Variants in SYT1 observed in about 807,000 individuals in gnomAD.
SYT1 encodes synaptotagmin-1.
SYT1 carries 8 observed loss-of-function variants against 44.8 expected under a neutral mutation model. The observed-to-expected ratio is 0.18, with a 90% CI of 0.10 to 0.32. SYT1 has a LOEUF of 0.32. Among genes scored for constraint, SYT1 ranks in the 10% least tolerant of loss-of-function variants. The probability of loss-of-function intolerance (pLI) is 1.00; values close to 1 mark genes in which losing one functional copy is unlikely to be tolerated. For missense variants in SYT1, 286 were observed against 509.3 expected, an observed-to-expected ratio of 0.56 and a Z score of 4.22; for synonymous variants, 154 against 188.8, an observed-to-expected ratio of 0.82 and a Z score of 1.51.
At chr12:79,094,305 T>C (rs1209926774) in intron 3 of SYT1, among the ~76,000 whole-genome samples, 1 of 151,806 alleles carries the variant, frequency 6.6e-6, no homozygotes, top group Admixed American at 6.6e-5. Flanking sequence ...ATTAAGCTAG[T>C]CCTATTTGTG....
intron 1 of SYT1, among the ~76,000 whole-genome samples, chr12:78,906,680 C>A (rs888505911): frequency 2.6e-5 from 4 of 152,036 alleles, no homozygotes; most frequent in Admixed American, 2.6e-4. Flanking sequence ...TGTCTTGATG[C>A]AGGTCGTGGA....
intron 9 of SYT1, among the ~76,000 whole-genome samples, chr12:79,423,399 AG>A (rs1869240402): frequency 6.6e-6 from 1 of 152,128 alleles, no homozygotes; most frequent in Non-Finnish European, 1.5e-5. Context: ...CTGAGCCTGG[AG>A]GCCTCAACTA....
chr12:78,920,834 T>C (rs574644054), intron 1 of SYT1, among the ~76,000 whole-genome samples: 1 of 152,070 alleles, frequency 6.6e-6, no homozygotes, highest in Non-Finnish European at 1.5e-5. Flanking sequence ...TGATGAACTT[T>C]TAGTGATTTG....
intron 3 of SYT1, among the ~76,000 whole-genome samples, chr12:79,125,112 C>T (rs889578789): frequency 1.3e-5 from 2 of 151,882 alleles, no homozygotes; most frequent in African/African-American, 2.4e-5. Context: ...TTTCTCATGA[C>T]GAATAATCCA....
chr12:79,015,085 T>G (rs1398648703), intron 2 of SYT1, among the ~76,000 whole-genome samples: 3 of 151,846 alleles, frequency 2.0e-5, no homozygotes, highest in Non-Finnish European at 4.4e-5. Flanking sequence ...AGGGGAGGGA[T>G]AGCATTAGGA....
In SYT1 at chr12:79,103,225, A is replaced by C. The variant is rs561720973; in HGVS notation, c.-18+55863A>C. Among the ~76,000 whole-genome samples, 108 of 152,312 alleles carry C rather than the reference A, an allele frequency of 7.1e-4. 1 individual carries two copies. Among genetic ancestry groups the C allele is most frequent in the East Asian group, 1.9e-3 (10 of 5,190 alleles). On this transcript the variant is annotated intron_variant, in intron 3 of 10. Coordinates refer to ENST00000261205, the MANE Select transcript of SYT1 (RefSeq NM_005639.3). ...CTCATTCAAAAAAGTGAAGACATGA[A>C]TATTCAAATAAGAAAATAATATAAA...
Position 79,261,608 on chromosome 12 carries a change from T to C in SYT1, c.167-24179T>C, listed in dbSNP as rs150681034. 4.2e-3 allele frequency among the ~76,000 whole-genome samples: 637 copies of C among 152,312 alleles called. 1 individual carries two copies. The highest frequency in any genetic ancestry group is 0.015 in the African/African-American group (605 of 41,580). On this transcript the variant is annotated intron_variant, in intron 4 of 10. Transcript: ENST00000261205. ...TTATTTTAAATGTTACCAAGGAATA[T>C]CTTTAGGTTAAAAAAATTAAATTTT...
At chr12:78,968,910 A>C (rs1868312271) in intron 1 of SYT1, among the ~76,000 whole-genome samples, 1 of 152,210 alleles carries the variant, frequency 6.6e-6, no homozygotes, top group Non-Finnish European at 1.5e-5. Context: ...GCCCTCATGC[A>C]TTGTATGAAA....
intron 3 of SYT1, among the ~76,000 whole-genome samples, chr12:79,096,889 G>A (rs900588989): frequency 6.6e-6 from 1 of 152,002 alleles, no homozygotes; most frequent in African/African-American, 2.4e-5. Flanking sequence ...GAGAGATTAA[G>A]AGGCTGGGAA....
chr12:79,330,486 G>A (rs1881805772), intron 8 of SYT1, among the ~76,000 whole-genome samples: 1 of 152,178 alleles, frequency 6.6e-6, no homozygotes, highest in African/African-American at 2.4e-5. Context: ...GGATGTCTGT[G>A]CTTAACAGAC....
At chr12:79,220,323 G>T (rs541748770) in intron 4 of SYT1, among the ~76,000 whole-genome samples, 3 of 151,626 alleles carry the variant, frequency 2.0e-5, no homozygotes, top group Non-Finnish European at 4.4e-5. Context: ...TCTTAGCTAG[G>T]CTTGCTAAAG....
intron 7 of SYT1, among the ~76,000 whole-genome samples, chr12:79,298,996 C>T (rs190194282): frequency 6.6e-6 from 1 of 152,204 alleles, no homozygotes; most frequent in Non-Finnish European, 1.5e-5. Context: ...CAGTAAGTTA[C>T]ACCCTGACAA....
chr12:79,227,609 G>T (rs1002597112), intron 4 of SYT1, among the ~76,000 whole-genome samples: 2 of 152,148 alleles, frequency 1.3e-5, no homozygotes, highest in Non-Finnish European at 2.9e-5. Flanking sequence ...AAAAATACAA[G>T]CTCTAGCCAT....
At chr12:78,904,574 A>G (rs77255893) in intron 1 of SYT1, among the ~76,000 whole-genome samples, 3,646 of 152,248 alleles carry the variant, frequency 0.024, 167 homozygotes, top group African/African-American at 0.083. Flanking sequence ...TGAAACACAG[A>G]AAAACTATCT....
chr12:79,277,543 G>A (rs914589732), intron 4 of SYT1, among the ~76,000 whole-genome samples: 1 of 152,044 alleles, frequency 6.6e-6, no homozygotes, highest in Non-Finnish European at 1.5e-5. Flanking sequence ...GCAAAAGGTT[G>A]ATATTCACCA....
intron 3 of SYT1, among the ~76,000 whole-genome samples, chr12:79,155,429 A>T (rs978694079): frequency 1.3e-5 from 2 of 152,174 alleles, no homozygotes; most frequent in African/African-American, 4.8e-5. Flanking sequence ...ACTCAGCTGT[A>T]ATCATTGTCT....
chr12:79,374,333 G>A lies in SYT1; in HGVS notation c.928+20714G>A, dbSNP rs189748953. Among the ~76,000 whole-genome samples the A allele has an allele frequency of 1.2e-3, 184 of 152,036 alleles. 2 individuals are homozygous for A. The highest frequency in any genetic ancestry group is 7.4e-5 in the Non-Finnish European group (5 of 67,984). On this transcript the variant is annotated intron_variant, in intron 9 of 10. Transcript: ENST00000261205. Reference sequence around the variant, plus strand: ...GTTTCAAGTTTATAAACCAAAAGTCGGCCAGCAAATACATTTTCCTTTCCT... The same window carrying A: ...GTTTCAAGTTTATAAACCAAAAGTCAGCCAGCAAATACATTTTCCTTTCCT...
chr12:79,118,757 T>C (rs1032720056), intron 3 of SYT1, among the ~76,000 whole-genome samples: 2 of 152,204 alleles, frequency 1.3e-5, no homozygotes, highest in African/African-American at 4.8e-5. Context: ...TTAAATGTTG[T>C]GTTCCACAGG....
chr12:79,147,129 G>A (rs1019171117), intron 3 of SYT1, among the ~76,000 whole-genome samples: 3 of 152,082 alleles, frequency 2.0e-5, no homozygotes, highest in African/African-American at 2.4e-5. Context: ...GTGAGCCACC[G>A]TGCCCGGCCA....
Sources: allele counts gnomAD v4.1 joint callset (sites outside exome capture counted in the v4.1 genomes callset), GRCh38; gene constraint gnomAD v4.1.1; transcripts MANE v1.5; gene names NCBI Gene and HGNC (gene_info 2026-07-23, HGNC 2026-07-21).